Variants in ZFAT observed in about 807,000 individuals in gnomAD.
ZFAT encodes the protein zinc finger protein ZFAT.
In ZFAT, 64 loss-of-function variants were observed where a neutral mutation model predicts 117.7. The ratio of observed to expected loss-of-function variants is 0.54; its 90% CI spans 0.44 to 0.67. The LOEUF (loss-of-function observed/expected upper bound fraction) is 0.67. ZFAT is among the 30% of genes least tolerant of loss of function. The pLI, the probability that ZFAT is intolerant of heterozygous loss-of-function variation, is 0.00. For synonymous variants in ZFAT, 679 were observed against 615.0 expected (o/e 1.10, Z -1.54); for missense variants, 1,433 against 1,584.5 (o/e 0.90, Z 1.62).
intron 15 of ZFAT, among the ~76,000 whole-genome samples, chr8:134,497,263 A>G (rs1438220058): frequency 2.6e-5 from 4 of 152,262 alleles, no homozygotes; most frequent in African/African-American, 9.6e-5. Flanking sequence ...TACTTCTAAA[A>G]GATCGCCCTG....
At chr8:134,572,960 G>A (rs1825033149) in intron 10 of ZFAT, among the ~76,000 whole-genome samples, 1 of 152,178 alleles carries the variant, frequency 6.6e-6, no homozygotes, top group South Asian at 2.1e-4. Flanking sequence ...AATCTCACAA[G>A]CACAATGTGA....
At chr8:134,564,913 C>T (rs1356648926) in intron 11 of ZFAT, 2 of 1,195,320 alleles carry the variant, frequency 1.7e-6, no homozygotes, top group Non-Finnish European at 2.1e-6. Flanking sequence ...GTGGACACTC[C>T]CGAACACAAT....
chr8:134,594,923 A>C (rs533713501), intron 7 of ZFAT: 3 of 152,214 alleles, frequency 2.0e-5, no homozygotes, highest in Non-Finnish European at 4.4e-5. Context: ...TATCATAAAC[A>C]TCTGCCAGAT....
At chr8:134,773,116 A>G in the ZFAT span, among the ~76,000 whole-genome samples, 1 of 151,246 alleles carries the variant, frequency 6.6e-6, no homozygotes, top group Non-Finnish European at 1.5e-5. Flanking sequence ...AAAAAAATAG[A>G]AAAAGAAAAA....
At chr8:134,712,723 CCGG>C in intron 1 of ZFAT, 119 bp downstream of exon 1, 8 of 728,916 alleles carry the variant, frequency 1.1e-5, no homozygotes, top group Non-Finnish European at 1.5e-5. Context: ...CCCTCCGCGG[CCGG>C]CGGCCGGCGG....
intron 1 of ZFAT, among the ~76,000 whole-genome samples, chr8:134,671,080 A>G (rs1289328608): frequency 1.3e-5 from 2 of 152,212 alleles, no homozygotes; most frequent in Non-Finnish European, 2.9e-5. Flanking sequence ...GAATAGACCA[A>G]TAACAGGCTC....
chr8:134,480,168 C>T (rs2129997520), intron 15 of ZFAT, among the ~76,000 whole-genome samples: 1 of 152,234 alleles, frequency 6.6e-6, no homozygotes, highest in East Asian at 1.9e-4. Flanking sequence ...CTCCACATTG[C>T]ACAAGCTGGT....
chr8:134,588,474 A>G (rs1281428761), intron 8 of ZFAT, 79 bp from the exon 9 acceptor site: 1 of 1,413,452 alleles, frequency 7.1e-7, no homozygotes, highest in Non-Finnish European at 9.4e-7. Context: ...ATTGCTAAGC[A>G]GCACCCACAG....
Position 134,624,190 on chromosome 8 carries a change from A to G in ZFAT, c.448+13271T>C, listed in dbSNP as rs868733699. On this transcript the variant is annotated intron_variant, in intron 3 of 15. Transcript: ENST00000377838. ...GGCACATGTGCACATGCACACACAC[A>G]CACACACACACACACACACACACAC... Among the ~76,000 whole-genome samples the G allele has an allele frequency of 9.5e-3, 1,419 of 149,062 alleles. 8 individuals carry two copies. The highest frequency in any genetic ancestry group is 0.017 in the Middle Eastern group (5 of 290).
intron 10 of ZFAT, among the ~76,000 whole-genome samples, chr8:134,578,467 G>T (rs1375403431): frequency 2.0e-5 from 3 of 151,658 alleles, no homozygotes; most frequent in Non-Finnish European, 2.9e-5. Context: ...GATGCTAGCT[G>T]GGGGAGAGTA....
At chr8:134,575,937 G>T (rs938672561) in intron 10 of ZFAT, among the ~76,000 whole-genome samples, 2 of 152,190 alleles carry the variant, frequency 1.3e-5, no homozygotes, top group Non-Finnish European at 2.9e-5. Context: ...TTTAAAGGCT[G>T]AACTTCAAGC....
chr8:134,688,970 A>G (rs1833469632), intron 1 of ZFAT, among the ~76,000 whole-genome samples: 1 of 152,188 alleles, frequency 6.6e-6, no homozygotes, highest in Non-Finnish European at 1.5e-5. Flanking sequence ...AGTGCCTGGC[A>G]CACAGCAGAT....
In ZFAT at chr8:134,618,271, T is replaced by TG. The variant is rs977698091; in HGVS notation, c.449-7617dup. On this transcript the variant is annotated intron_variant, in intron 3 of 15. Coordinates refer to ENST00000377838, the MANE Select transcript of ZFAT (RefSeq NM_020863.4). ...GGACACTTTGCGACACCCATACTCC[T>TG]GCTCCAGAGCCATTCGTCATCTTGT... 2.4e-3 allele frequency among the ~76,000 whole-genome samples: 359 copies of TG among 152,320 alleles called. 1 individual carries two copies. Among genetic ancestry groups the TG allele is most frequent in the African/African-American group, 8.2e-3 (340 of 41,566 alleles).
chr8:134,671,275 C>T (rs1440460752), intron 1 of ZFAT, among the ~76,000 whole-genome samples: 3 of 152,136 alleles, frequency 2.0e-5, no homozygotes, highest in Non-Finnish European at 2.9e-5. Context: ...CGTCCTGATA[C>T]CAAAGCCTGG....
chr8:134,484,569 G>C (rs900220271), intron 15 of ZFAT, among the ~76,000 whole-genome samples: 2 of 152,128 alleles, frequency 1.3e-5, no homozygotes, highest in Non-Finnish European at 2.9e-5. Flanking sequence ...GGAAGTCAAG[G>C]CTCAGAGAAA....
At chr8:134,713,059 C>G, upstream of ZFAT, 1 of 577,472 alleles carries the variant, frequency 1.7e-6, no homozygotes, top group Non-Finnish European at 2.7e-6. Flanking sequence ...CCCCACGGGG[C>G]GCAGACGCCT....
chr8:134,615,535 CCCCACTAACAAG>C (rs1201448118), intron 3 of ZFAT, among the ~76,000 whole-genome samples: 2 of 152,086 alleles, frequency 1.3e-5, no homozygotes, highest in Non-Finnish European at 2.9e-5. Context: ...AGAGCAGGGA[CCCCACTAACAAG>C]CCCTTGGCAT....
intron 3 of ZFAT, among the ~76,000 whole-genome samples, chr8:134,626,408 T>C (rs138682437): frequency 4.6e-5 from 7 of 152,354 alleles, no homozygotes; most frequent in South Asian, 2.1e-4. Context: ...GGCAACTTCC[T>C]TCACCTAGCA....
chr8:134,579,332 C>T (rs758030296), intron 10 of ZFAT, among the ~76,000 whole-genome samples: 30 of 152,200 alleles, frequency 2.0e-4, no homozygotes, highest in Non-Finnish European at 3.7e-4. Flanking sequence ...TTTAACGATT[C>T]ACAGTTCCAT....
Sources: allele counts gnomAD v4.1 joint callset (sites outside exome capture counted in the v4.1 genomes callset), GRCh38; gene constraint gnomAD v4.1.1; transcripts MANE v1.5; gene names NCBI Gene and HGNC (gene_info 2026-07-23, HGNC 2026-07-21).